The following TDRD3 variants were observed in gnomAD, a reference collection of about 807,000 sequenced individuals.
TDRD3 encodes tudor domain-containing protein 3.
Under a neutral mutation model 86.7 loss-of-function variants are expected in TDRD3, and 45 were observed. The ratio of observed to expected loss-of-function variants is 0.52; its 90% confidence interval spans 0.41 to 0.67. The LOEUF (loss-of-function observed/expected upper bound fraction) is 0.67, where lower values mean the gene tolerates loss of function less well. Among genes scored for constraint, TDRD3 ranks in the 30% least tolerant of loss-of-function variants. TDRD3 has a pLI of 0.00. For missense variants in TDRD3, 814 were observed against 889.0 expected, an observed-to-expected ratio of 0.92 and a Z score of 1.07; for synonymous variants, 298 against 301.7, an observed-to-expected ratio of 0.99 and a Z score of 0.13.
At chr13:60,450,432 A>C (rs866739638) in intron 3 of TDRD3, among the ~76,000 whole-genome samples, 1 of 152,166 alleles carries the variant, frequency 6.6e-6, no homozygotes, top group African/African-American at 2.4e-5. Context: ...TTGGAATTCT[A>C]ATTTGCCTCT....
intron 12 of TDRD3, chr13:60,536,225 T>C (rs1259498779): frequency 6.6e-6 from 1 of 152,158 alleles, no homozygotes; most frequent in East Asian, 1.9e-4. Context: ...GTAGTAATAA[T>C]GTTTTGGGCC....
intron 1 of TDRD3, among the ~76,000 whole-genome samples, chr13:60,415,891 C>G (rs1221663620): frequency 6.6e-6 from 1 of 152,132 alleles, no homozygotes; most frequent in Non-Finnish European, 1.5e-5. Context: ...TCTTTAGAGA[C>G]AAACTTCATC....
chr13:60,492,297 G>C (rs913637845), intron 7 of TDRD3, among the ~76,000 whole-genome samples: 1 of 152,184 alleles, frequency 6.6e-6, no homozygotes, highest in African/African-American at 2.4e-5. Flanking sequence ...TGAGATTCCA[G>C]ACTTTTCAGG....
chr13:60,418,451 G>A (rs1954577803), intron 1 of TDRD3, among the ~76,000 whole-genome samples: 3 of 152,074 alleles, frequency 2.0e-5, no homozygotes, highest in Admixed American at 6.6e-5. Context: ...AAGCTTCACT[G>A]GGACTAAACT....
intron 8 of TDRD3, among the ~76,000 whole-genome samples, chr13:60,496,265 T>TG (rs1956709979): frequency 7.5e-6 from 1 of 133,684 alleles, no homozygotes; most frequent in Non-Finnish European, 1.6e-5. Context: ...TGGGACCTTG[T>TG]GAGTTAATAC....
intron 1 of TDRD3, among the ~76,000 whole-genome samples, chr13:60,397,713 C>A (rs919117766): frequency 6.6e-6 from 1 of 150,592 alleles, no homozygotes; most frequent in Non-Finnish European, 1.5e-5. Context: ...CGGCCCAGAC[C>A]CCGGCCGACC....
intron 1 of TDRD3, among the ~76,000 whole-genome samples, chr13:60,398,327 A>G (rs1251693640): frequency 3.9e-5 from 6 of 152,212 alleles, no homozygotes; most frequent in Non-Finnish European, 8.8e-5. Flanking sequence ...GGGAATAGTG[A>G]TAAACCGTAC....
intron 1 of TDRD3, among the ~76,000 whole-genome samples, chr13:60,398,794 CGTAAAAGATT>C (rs1276831947): frequency 2.0e-5 from 3 of 152,162 alleles, no homozygotes; most frequent in Non-Finnish European, 2.9e-5. Flanking sequence ...ACAGCATGGG[CGTAAAAGATT>C]GTAGAGTTAA....
At position 60,510,775 on chromosome 13, in the gene TDRD3, A is replaced by C. The variant is rs778331455; in HGVS notation, c.1141+20A>C. 7.0e-7 allele frequency: 1 copy of C among 1,431,662 alleles called. No individual in the cohort carries two copies. Among genetic ancestry groups the C allele is most frequent in the South Asian group, 1.4e-5 (1 of 70,636 alleles). The allele number at this position is 1,431,662 out of a possible 1,614,324, so 88.7% of individuals were successfully genotyped here. A position where few individuals can be genotyped will look rare whatever the true frequency, so the allele number is the denominator to read the frequency against. On this transcript the variant is annotated intron_variant, in intron 10 of 13. Transcript: ENST00000377881. ...TGGAAGGTAAGCTAATTTAAAGTTG[A>C]TTCCTTTTTTTTTCTTTCTTTTCTT...
chr13:60,521,568 C>T (rs376009821), intron 10 of TDRD3, among the ~76,000 whole-genome samples: 2 of 152,014 alleles, frequency 1.3e-5, no homozygotes, highest in East Asian at 1.9e-4. Flanking sequence ...TTGCAGCCCA[C>T]GAGATGTAGC....
chr13:60,547,177 A>G (rs759849983), intron 12 of TDRD3: 17 of 855,178 alleles, frequency 2.0e-5, no homozygotes, highest in Non-Finnish European at 2.4e-5. Flanking sequence ...TTTCACATAA[A>G]TGGCAAAGTA....
chr13:60,501,201 A>G (rs1199388488), intron 8 of TDRD3, among the ~76,000 whole-genome samples: 1 of 152,198 alleles, frequency 6.6e-6, no homozygotes, highest in Non-Finnish European at 1.5e-5. Context: ...CTGGAGTGGT[A>G]ACTCTAACTG....
intron 9 of TDRD3, 133 bp from the exon 10 acceptor site, chr13:60,510,497 A>G: frequency 1.9e-5 from 18 of 939,278 alleles, no homozygotes; most frequent in Non-Finnish European, 2.5e-5. Flanking sequence ...ATTACTTAAA[A>G]GATGTAGACT....
At chr13:60,525,103 A>AAC (rs1555288119) in intron 10 of TDRD3, among the ~76,000 whole-genome samples, 12 of 149,364 alleles carry the variant, frequency 8.0e-5, no homozygotes, top group African/African-American at 2.0e-4. Context: ...AAAAAAAAAA[A>AAC]AAAAAACCCC....
chr13:60,565,937 C>G (rs917713639), intron 12 of TDRD3, among the ~76,000 whole-genome samples: 3 of 152,024 alleles, frequency 2.0e-5, no homozygotes, highest in African/African-American at 7.2e-5. Flanking sequence ...TACTTCTAAC[C>G]ATTTTGAGAT....
In TDRD3 at chr13:60,460,370, G is replaced by A; in HGVS notation, c.193-10G>A. The A allele has an allele frequency of 6.3e-7, 1 of 1,586,700 alleles. No individual in the cohort carries two copies. Among genetic ancestry groups the A allele is most frequent in the Non-Finnish European group, 8.5e-7 (1 of 1,170,854 alleles). On this transcript the variant is annotated splice_polypyrimidine_tract_variant and intron_variant, in intron 3 of 13. Coordinates refer to ENST00000377881, the MANE Select transcript of TDRD3 (RefSeq NM_001146070.2). ...TAGAAAGTGATTTTTATTCTTTTCTGTTTTGACAGCTCGAAGGTCCATGTG... is the reference window on the plus strand; with the variant it reads ...TAGAAAGTGATTTTTATTCTTTTCTATTTTGACAGCTCGAAGGTCCATGTG...
Position 60,494,589 on chromosome 13 carries a change from A to G in TDRD3, c.858+14A>G. On this transcript the variant is annotated intron_variant, in intron 8 of 13. Transcript: ENST00000377881. ...TATAGAGAACTGGTAAGGCTAAAGA[A>G]CTAACCACAAATTTAAAGTGTTATT... is the stretch of plus-strand genomic sequence containing the variant. The G allele has an allele frequency of 6.2e-7, 1 of 1,602,896 alleles. No homozygotes were observed. The highest frequency in any genetic ancestry group is 1.7e-5 in the Admixed American group (1 of 57,430).
intron 1 of TDRD3, among the ~76,000 whole-genome samples, chr13:60,437,403 G>A (rs1227654139): frequency 6.6e-6 from 1 of 151,946 alleles, no homozygotes; most frequent in African/African-American, 2.4e-5. Flanking sequence ...TGGGGTTAGA[G>A]GCGTGAGCCA....
At chr13:60,483,167 A>G (rs1956355858) in intron 5 of TDRD3, among the ~76,000 whole-genome samples, 1 of 152,088 alleles carries the variant, frequency 6.6e-6, no homozygotes, top group Admixed American at 6.5e-5. Context: ...AACTAAAATT[A>G]GTTGGATTTG....
Sources: gnomAD v4.1 joint callset for allele counts (sites outside exome capture counted in the v4.1 genomes callset) on GRCh38, gnomAD v4.1.1 for gene constraint, MANE v1.5 for transcripts, NCBI Gene and HGNC (gene_info 2026-07-23, HGNC 2026-07-21) for gene names.